Variants in MEF2A observed in about 807,000 individuals in gnomAD.
The protein encoded by MEF2A is myocyte-specific enhancer factor 2A.
In MEF2A, 28 loss-of-function variants were observed where a neutral mutation model predicts 55.8. The observed-to-expected ratio is 0.50, with a 90% confidence interval of 0.37 to 0.69. The LOEUF (loss-of-function observed/expected upper bound fraction) is 0.69. Ranked by LOEUF, MEF2A falls within the 30% of genes least tolerant of loss-of-function variation. The probability of loss-of-function intolerance (pLI) is 0.00; values close to 1 mark genes in which losing one functional copy is unlikely to be tolerated. For missense variants in MEF2A, 528 were observed against 626.2 expected (o/e 0.84, Z 1.67); for synonymous variants, 239 against 227.1 (o/e 1.05, Z -0.47).
At chr15:99,680,952 A>G (rs1440096666) in intron 7 of MEF2A, among the ~76,000 whole-genome samples, 2 of 152,156 alleles carry the variant, frequency 1.3e-5, no homozygotes, top group African/African-American at 4.8e-5. Context: ...CTTTGTACAT[A>G]TTGTAATTTG....
At chr15:99,656,944 A>G (rs1031122320) in intron 4 of MEF2A, among the ~76,000 whole-genome samples, 1 of 152,040 alleles carries the variant, frequency 6.6e-6, no homozygotes, top group African/African-American at 2.4e-5. Flanking sequence ...CCCAGTACCC[A>G]TTAGCAATCA....
In MEF2A at chr15:99,687,164, G is replaced by T. The variant is rs563382705; in HGVS notation, c.671-3077G>T. Among the ~76,000 whole-genome samples, 558 of 139,298 alleles carry T rather than the reference G, an allele frequency of 4.0e-3. 1 individual carries two copies. The highest frequency in any genetic ancestry group is 6.3e-3 in the Non-Finnish European group (414 of 65,806). The allele number at this position is 139,298 out of a possible 152,430, so 91.4% of individuals were successfully genotyped here. A position where few individuals can be genotyped will look rare whatever the true frequency, so the allele number is the denominator to read the frequency against. ...GGCTGGTTTTGAACTGGGCTCAAGC[G>T]ATCTGCCCACCTCAGCCTCCCAAAG... On this transcript the variant is annotated intron_variant, in intron 7 of 11. Transcript: ENST00000557942.
intron 4 of MEF2A, among the ~76,000 whole-genome samples, chr15:99,665,181 A>C (rs540214055): frequency 6.6e-6 from 1 of 152,308 alleles, no homozygotes; most frequent in East Asian, 1.9e-4. Flanking sequence ...AAGTGGATGT[A>C]ACTAACCTAA....
chr15:99,585,226 A>G (rs1966860702), intron 1 of MEF2A, among the ~76,000 whole-genome samples: 1 of 152,190 alleles, frequency 6.6e-6, no homozygotes, highest in African/African-American at 2.4e-5. Context: ...AGGTTATACA[A>G]AATTGTGTTC....
intron 10 of MEF2A, among the ~76,000 whole-genome samples, chr15:99,707,921 C>T (rs983352130): frequency 1.4e-5 from 2 of 147,314 alleles, no homozygotes; most frequent in African/African-American, 5.1e-5. Context: ...ACAGAATCAA[C>T]AATAAAAGGT....
At chr15:99,597,990 C>T (rs900981377) in intron 1 of MEF2A, among the ~76,000 whole-genome samples, 3 of 152,044 alleles carry the variant, frequency 2.0e-5, no homozygotes, top group Non-Finnish European at 2.9e-5. Context: ...ATGGTGATAA[C>T]AATTATTTCA....
At chr15:99,700,898 A>G (rs999504079) in intron 8 of MEF2A, among the ~76,000 whole-genome samples, 1 of 133,562 alleles carries the variant, frequency 7.5e-6, no homozygotes, top group Non-Finnish European at 1.7e-5. Context: ...ACTGATATAA[A>G]TAAATGATAG....
chr15:99,695,561 G>GTGTGTGTGTGTT (rs2056325644), intron 8 of MEF2A, among the ~76,000 whole-genome samples: 2 of 151,958 alleles, frequency 1.3e-5, no homozygotes, highest in Middle Eastern at 3.4e-3. Context: ...GTGTGTGTGT[G>GTGTGTGTGTGTT]TGTGTGTGTT....
chr15:99,706,614 C>A, intron 9 of MEF2A, 115 bp from the exon 10 acceptor site: 2 of 1,178,702 alleles, frequency 1.7e-6, no homozygotes, highest in Non-Finnish European at 2.5e-6. Context: ...ATCATCAGTG[C>A]TTCAGAAAAT....
intron 4 of MEF2A, among the ~76,000 whole-genome samples, chr15:99,666,693 A>G (rs984491760): frequency 3.3e-5 from 5 of 152,168 alleles, no homozygotes; most frequent in Middle Eastern, 3.4e-3. Context: ...ATGCTAGACA[A>G]CAAAGCAAAA....
rs142361432 is a variant in MEF2A at position 99,688,141 on chromosome 15, T to C, written c.671-2100T>C. Among the ~76,000 whole-genome samples the C allele has an allele frequency of 5.3e-5, 8 of 152,356 alleles. No homozygotes were observed. In the South Asian group the frequency reaches 8.3e-4, roughly 16 times the overall value. Reference sequence around the variant, plus strand: ...TTGAAATTGAAATACCACACTGTAATCTCTGTTTTATAAATGCACATTATA... The same window carrying C: ...TTGAAATTGAAATACCACACTGTAACCTCTGTTTTATAAATGCACATTATA... On this transcript the variant is annotated intron_variant, in intron 7 of 11. Coordinates refer to ENST00000557942, the MANE Select transcript of MEF2A (RefSeq NM_001319206.4).
chr15:99,596,722 G>T (rs899978710), intron 1 of MEF2A, among the ~76,000 whole-genome samples: 1 of 152,192 alleles, frequency 6.6e-6, no homozygotes, highest in Non-Finnish European at 1.5e-5. Flanking sequence ...AGCGAGGAGA[G>T]AGATAGCTTT....
At chr15:99,573,243 C>G (rs370574428) in intron 1 of MEF2A, among the ~76,000 whole-genome samples, 8 of 146,284 alleles carry the variant, frequency 5.5e-5, no homozygotes, top group African/African-American at 1.8e-4. Context: ...GAGCCAAGAT[C>G]GCGCCACTGC....
intron 2 of MEF2A, among the ~76,000 whole-genome samples, chr15:99,628,059 G>A (rs950665069): frequency 2.6e-4 from 40 of 152,308 alleles, no homozygotes; most frequent in Admixed American, 3.3e-4. Flanking sequence ...TTCTGGTTAT[G>A]GTTTTTGCAC....
chr15:99,579,746 T>C (rs1468479328), intron 1 of MEF2A, among the ~76,000 whole-genome samples: 1 of 152,186 alleles, frequency 6.6e-6, no homozygotes, highest in Non-Finnish European at 1.5e-5. Context: ...AGTTTATTGA[T>C]TCCCTCTTTT....
chr15:99,656,796 T>G (rs1382457454), intron 4 of MEF2A, among the ~76,000 whole-genome samples: 1 of 152,154 alleles, frequency 6.6e-6, no homozygotes, highest in Non-Finnish European at 1.5e-5. Flanking sequence ...TGCTCTTCTT[T>G]TAAATGAGAT....
At chr15:99,653,962 G>A (rs2047266703) in intron 4 of MEF2A, among the ~76,000 whole-genome samples, 1 of 151,988 alleles carries the variant, frequency 6.6e-6, no homozygotes. Context: ...AAAAAAGAAC[G>A]TAGAAGTAGC....
chr15:99,625,417 C>T (rs1483553374), intron 2 of MEF2A, among the ~76,000 whole-genome samples: 1 of 152,134 alleles, frequency 6.6e-6, no homozygotes, highest in African/African-American at 2.4e-5. Context: ...ATCATGTCAT[C>T]TTAAAACAGA....
intron 4 of MEF2A, among the ~76,000 whole-genome samples, chr15:99,655,869 A>G (rs1037224095): frequency 2.6e-5 from 4 of 152,110 alleles, no homozygotes; most frequent in African/African-American, 7.2e-5. Flanking sequence ...GTTATAAAAC[A>G]GTTAGGAAAC....
Sources: allele counts gnomAD v4.1 joint callset (sites outside exome capture counted in the v4.1 genomes callset), GRCh38; gene constraint gnomAD v4.1.1; transcripts MANE v1.5; gene names NCBI Gene and HGNC (gene_info 2026-07-23, HGNC 2026-07-21).